NRXN3: variants seen among roughly 807,000 people sequenced by gnomAD.
NRXN3 encodes neurexin 3.
A neutral mutation model predicts 137.6 loss-of-function variants in NRXN3; 32 were observed. That is an observed-to-expected ratio of 0.23 (90% CI 0.18 to 0.31). The LOEUF (loss-of-function observed/expected upper bound fraction) is 0.31. Ranked by LOEUF, NRXN3 falls within the 10% of genes least tolerant of loss-of-function variation. The pLI is 1.00. For missense variants in NRXN3, 1,574 were observed against 2,062.5 expected, an observed-to-expected ratio of 0.76 and a Z score of 4.59; for synonymous variants, 798 against 784.5, an observed-to-expected ratio of 1.02 and a Z score of -0.29.
At chr14:78,729,094 T>G (rs2098501812) in intron 8 of NRXN3, among the ~76,000 whole-genome samples, 1 of 152,270 alleles carries the variant, frequency 6.6e-6, no homozygotes, top group African/African-American at 2.4e-5. Context: ...CCTATAATTT[T>G]GTAAGTGTTC....
intron 15 of NRXN3, among the ~76,000 whole-genome samples, chr14:79,180,423 A>G (rs1414408372): frequency 1.3e-5 from 2 of 152,216 alleles, no homozygotes; most frequent in Non-Finnish European, 2.9e-5. Flanking sequence ...GAAATATCTG[A>G]GCATTTTTAA....
chr14:78,562,536 C>A (rs1031924224), intron 4 of NRXN3, among the ~76,000 whole-genome samples: 2 of 151,730 alleles, frequency 1.3e-5, no homozygotes, highest in African/African-American at 4.8e-5. Flanking sequence ...AAAAAATGAC[C>A]ACACTGTGAG....
chr14:78,847,647 C>T (rs2099031047), intron 10 of NRXN3, among the ~76,000 whole-genome samples: 1 of 152,040 alleles, frequency 6.6e-6, no homozygotes, highest in South Asian at 2.1e-4. Context: ...TGCTCACCCT[C>T]CTGAATATAT....
intron 4 of NRXN3, among the ~76,000 whole-genome samples, chr14:78,600,206 G>A (rs2097191560): frequency 6.6e-6 from 1 of 152,168 alleles, no homozygotes; most frequent in South Asian, 2.1e-4. Flanking sequence ...TCTTGACCCA[G>A]CTTTTTCACT....
At chr14:78,989,862 G>A (rs143262708) in intron 15 of NRXN3, among the ~76,000 whole-genome samples, 1 of 152,294 alleles carries the variant, frequency 6.6e-6, no homozygotes, top group East Asian at 1.9e-4. Context: ...GTAAGTTATC[G>A]TAACGTGGTG....
intron 16 of NRXN3, among the ~76,000 whole-genome samples, chr14:79,548,748 A>G (rs1401706509): frequency 8.8e-5 from 1 of 11,350 alleles, no homozygotes; most frequent in Non-Finnish European, 4.9e-4. Context: ...TTTAAAGATT[A>G]AAAAAAAAAA....
At chr14:78,234,777 G>A (rs1224679412) in intron 1 of NRXN3, among the ~76,000 whole-genome samples, 1 of 151,230 alleles carries the variant, frequency 6.6e-6, no homozygotes, top group African/African-American at 2.4e-5. Context: ...TGTATGTCTG[G>A]AACATGGGTG....
chr14:79,845,642 G>A (rs2099366037), intron 20 of NRXN3, among the ~76,000 whole-genome samples: 1 of 139,622 alleles, frequency 7.2e-6, no homozygotes, highest in African/African-American at 2.9e-5. Context: ...GACGGAGACG[G>A]GGAGAGAGAC....
At chr14:79,684,996 G>T (rs776696569) in intron 17 of NRXN3, among the ~76,000 whole-genome samples, 4 of 152,064 alleles carry the variant, frequency 2.6e-5, no homozygotes, top group Non-Finnish European at 5.9e-5. Context: ...AAGAGGAAAG[G>T]CACCTGGGGA....
Position 79,535,920 on chromosome 14 carries a change from C to G in NRXN3, c.3444+68518C>G, listed in dbSNP as rs148142549. On this transcript the variant is annotated intron_variant, in intron 16 of 20. Coordinates refer to ENST00000335750, the MANE Select transcript of NRXN3 (RefSeq NM_001330195.2). ...GTATCCAGGATAGGCATTCTGTATT[C>G]AGTTACGTGTTGGAGTGCTATCGAG... is the stretch of plus-strand genomic sequence containing the variant. Among the ~76,000 whole-genome samples the G allele has an allele frequency of 2.6e-3, 396 of 152,282 alleles. 2 individuals are homozygous for G. Among genetic ancestry groups the G allele is most frequent in the African/African-American group, 8.5e-3 (352 of 41,562 alleles).
At chr14:78,604,306 T>G (rs900554547) in intron 4 of NRXN3, among the ~76,000 whole-genome samples, 1 of 151,930 alleles carries the variant, frequency 6.6e-6, no homozygotes, top group South Asian at 2.1e-4. Context: ...TCATTTGTTT[T>G]TTTTTTTTTT....
At chr14:78,885,831 A>T (rs956395714) in intron 10 of NRXN3, among the ~76,000 whole-genome samples, 9 of 152,108 alleles carry the variant, frequency 5.9e-5, no homozygotes, top group African/African-American at 2.2e-4. Context: ...CCTAAACCTC[A>T]GCAAACTAGC....
At chr14:79,629,579 A>G (rs1445585172) in intron 16 of NRXN3, among the ~76,000 whole-genome samples, 1 of 152,168 alleles carries the variant, frequency 6.6e-6, no homozygotes, top group Admixed American at 6.5e-5. Flanking sequence ...AATTTAATTA[A>G]AGGCACAAGC....
intron 10 of NRXN3, among the ~76,000 whole-genome samples, chr14:78,938,780 TTC>T (rs1175920559): frequency 7.9e-5 from 12 of 152,150 alleles, no homozygotes; most frequent in African/African-American, 2.9e-4. Context: ...TCAGGACTTG[TTC>T]TCTCTGCTTC....
chr14:78,396,923 GCT>G (rs897186441), intron 4 of NRXN3, among the ~76,000 whole-genome samples: 11 of 152,170 alleles, frequency 7.2e-5, no homozygotes, highest in African/African-American at 1.7e-4. Flanking sequence ...TCTGGTTGGG[GCT>G]CTCTTTCTGG....
chr14:79,623,973 G>A (rs190928894), intron 16 of NRXN3, among the ~76,000 whole-genome samples: 198 of 151,466 alleles, frequency 1.3e-3, no homozygotes, highest in South Asian at 2.5e-3. Flanking sequence ...CCTCTTGGAA[G>A]GGTGTTAGAG....
At chr14:78,706,212 C>A (rs1471186762) in intron 6 of NRXN3, among the ~76,000 whole-genome samples, 1 of 152,108 alleles carries the variant, frequency 6.6e-6, no homozygotes, top group African/African-American at 2.4e-5. Context: ...AACCCAAATG[C>A]AGAAAAAGCC....
At chr14:78,339,006 C>G (rs1270094469) in intron 4 of NRXN3, among the ~76,000 whole-genome samples, 1 of 152,058 alleles carries the variant, frequency 6.6e-6, no homozygotes, top group Non-Finnish European at 1.5e-5. Flanking sequence ...TACCTCTCAA[C>G]AAAAGGGGAA....
At chr14:79,172,940 C>T (rs532929943) in intron 15 of NRXN3, among the ~76,000 whole-genome samples, 2 of 152,314 alleles carry the variant, frequency 1.3e-5, no homozygotes, top group South Asian at 4.1e-4. Context: ...AATTTAATCA[C>T]TTCCAAAGCT....
Sources: gnomAD v4.1 joint callset for allele counts (sites outside exome capture counted in the v4.1 genomes callset) on GRCh38, gnomAD v4.1.1 for gene constraint, MANE v1.5 for transcripts, NCBI Gene and HGNC (gene_info 2026-07-23, HGNC 2026-07-21) for gene names.